Variants in PRR16 observed in about 807,000 individuals in gnomAD.
PRR16 encodes the protein protein Largen.
Under a neutral mutation model 18.2 loss-of-function variants are expected in PRR16, and 6 were observed. The observed-to-expected ratio is 0.33, with a 90% confidence interval of 0.18 to 0.65. The LOEUF is 0.65. Among genes scored for constraint, PRR16 ranks in the 30% least tolerant of loss-of-function variants. The pLI is 0.74. For missense variants in PRR16, 412 were observed against 376.6 expected (o/e 1.09, Z -0.78); for synonymous variants, 151 against 147.8 (o/e 1.02, Z -0.16).
intron 1 of PRR16, among the ~76,000 whole-genome samples, chr5:120,652,198 A>G (rs1417966945): frequency 1.3e-5 from 2 of 152,076 alleles, no homozygotes; most frequent in Non-Finnish European, 2.9e-5. Context: ...GATTTAGATG[A>G]TTCTATGGAA....
At chr5:120,496,147 A>G (rs1223746664) in intron 1 of PRR16, among the ~76,000 whole-genome samples, 2 of 152,074 alleles carry the variant, frequency 1.3e-5, no homozygotes, top group Non-Finnish European at 2.9e-5. Context: ...CTACTTGATC[A>G]TGCTGTATAA....
intron 1 of PRR16, among the ~76,000 whole-genome samples, chr5:120,471,721 G>A (rs1749273875): frequency 6.6e-6 from 1 of 152,036 alleles, no homozygotes; most frequent in African/African-American, 2.4e-5. Flanking sequence ...TGTATTAAAA[G>A]TTAGTTCATT....
chr5:120,772,571 T>A, the PRR16 span, among the ~76,000 whole-genome samples: 1 of 143,796 alleles, frequency 7.0e-6, no homozygotes, highest in Non-Finnish European at 1.6e-5. Flanking sequence ...TTTTAAAAGC[T>A]ACTAACTTCT....
chr5:120,770,254 G>A, the PRR16 span, among the ~76,000 whole-genome samples: 2 of 151,610 alleles, frequency 1.3e-5, no homozygotes, highest in African/African-American at 4.8e-5. Context: ...AAACACATAA[G>A]CCAGTAGAAC....
the PRR16 span, among the ~76,000 whole-genome samples, chr5:120,786,011 AT>A: frequency 6.8e-6 from 1 of 147,804 alleles, no homozygotes; most frequent in South Asian, 2.1e-4. Context: ...CAAGTTTTTC[AT>A]TTTTTGTAGC....
chr5:120,708,912 G>A, the PRR16 span, among the ~76,000 whole-genome samples: 7 of 150,062 alleles, frequency 4.7e-5, no homozygotes, highest in South Asian at 2.1e-4. Flanking sequence ...AAGTCTTTGC[G>A]GGAAATAATT....
At chr5:120,771,543 C>G in the PRR16 span, among the ~76,000 whole-genome samples, 1 of 152,070 alleles carries the variant, frequency 6.6e-6, no homozygotes. Flanking sequence ...CTAATTCAAT[C>G]TCAAAACTTG....
the PRR16 span, among the ~76,000 whole-genome samples, chr5:120,746,940 T>C: frequency 6.6e-6 from 1 of 152,208 alleles, no homozygotes; most frequent in Non-Finnish European, 1.5e-5. Context: ...AAAATCATCT[T>C]TCTTCGAAGG....
intron 1 of PRR16, among the ~76,000 whole-genome samples, chr5:120,556,233 GTT>G (rs34053155): frequency 3.3e-5 from 4 of 121,748 alleles, no homozygotes; most frequent in South Asian, 2.6e-4. Context: ...CAATTTCATT[GTT>G]TTTTTTTTTT....
At chr5:120,606,966 A>G (rs1435884298) in intron 1 of PRR16, among the ~76,000 whole-genome samples, 1 of 152,172 alleles carries the variant, frequency 6.6e-6, no homozygotes, top group African/African-American at 2.4e-5. Context: ...ATTATTGGCT[A>G]TAGGCATTTA....
chr5:120,704,904 A>G, the PRR16 span, among the ~76,000 whole-genome samples: 7 of 152,308 alleles, frequency 4.6e-5, no homozygotes, highest in African/African-American at 1.7e-4. Flanking sequence ...AGAAATTTAT[A>G]TTTCAAAAAG....
the PRR16 span, among the ~76,000 whole-genome samples, chr5:120,780,023 T>G: frequency 6.6e-6 from 1 of 152,214 alleles, no homozygotes; most frequent in East Asian, 1.9e-4. Flanking sequence ...GTACCTATGC[T>G]CTCATTTACT....
chr5:120,667,556 A>G (rs1221992379), intron 1 of PRR16, among the ~76,000 whole-genome samples: 1 of 150,342 alleles, frequency 6.7e-6, no homozygotes, highest in Non-Finnish European at 1.5e-5. Context: ...TAGGGTGTCA[A>G]TTTTGGATTT....
chr5:120,741,060 TC>T, the PRR16 span, among the ~76,000 whole-genome samples: 1 of 152,048 alleles, frequency 6.6e-6, no homozygotes, highest in Non-Finnish European at 1.5e-5. Flanking sequence ...TGAAGATATT[TC>T]TTTAGCTATA....
At chr5:120,502,251 C>T (rs1750486333) in intron 1 of PRR16, among the ~76,000 whole-genome samples, 1 of 150,562 alleles carries the variant, frequency 6.6e-6, no homozygotes. Flanking sequence ...ATATGTTTTC[C>T]TTTGTTCTTT....
chr5:120,467,368 A>G (rs915935052), intron 1 of PRR16, among the ~76,000 whole-genome samples: 1 of 152,176 alleles, frequency 6.6e-6, no homozygotes, highest in Admixed American at 6.5e-5. Flanking sequence ...AGTTATGACT[A>G]TATCACTATG....
intron 1 of PRR16, among the ~76,000 whole-genome samples, chr5:120,525,990 A>T (rs1751333732): frequency 6.6e-6 from 1 of 152,190 alleles, no homozygotes; most frequent in Non-Finnish European, 1.5e-5. Flanking sequence ...TCTGAAGAAA[A>T]AATTTGATTT....
intron 1 of PRR16, among the ~76,000 whole-genome samples, chr5:120,637,004 T>C (rs1213786167): frequency 7.9e-5 from 12 of 151,926 alleles, no homozygotes; most frequent in Non-Finnish European, 5.9e-5. Context: ...AAAGAAGATA[T>C]ACAAATGGCC....
the PRR16 span, among the ~76,000 whole-genome samples, chr5:120,758,338 C>T: frequency 6.6e-6 from 1 of 151,864 alleles, no homozygotes; most frequent in Non-Finnish European, 1.5e-5. Flanking sequence ...TATCATAGGC[C>T]CCATATGCAT....
Sources: allele counts gnomAD v4.1 joint callset (sites outside exome capture counted in the v4.1 genomes callset), GRCh38; gene constraint gnomAD v4.1.1; transcripts MANE v1.5; gene names NCBI Gene and HGNC (gene_info 2026-07-23, HGNC 2026-07-21).